The following DCC variants were observed in gnomAD, a reference collection of about 807,000 sequenced individuals.
DCC encodes the protein netrin receptor DCC.
In DCC, 58 loss-of-function variants were observed where a neutral mutation model predicts 172.5. The observed-to-expected ratio is 0.34, with a 90% CI of 0.27 to 0.42. The LOEUF is 0.42. DCC is among the 10% of genes least tolerant of loss of function. The pLI, the probability that DCC is intolerant of heterozygous loss-of-function variation, is 1.00. For missense variants in DCC, 1,740 were observed against 1,791.0 expected, an observed-to-expected ratio of 0.97 and a Z score of 0.51; for synonymous variants, 709 against 644.5, an observed-to-expected ratio of 1.10 and a Z score of -1.52.
chr18:53,512,358 G>A (rs1228232329), intron 27 of DCC, among the ~76,000 whole-genome samples: 1 of 150,288 alleles, frequency 6.7e-6, no homozygotes, highest in Admixed American at 6.6e-5. Flanking sequence ...ACAAAGATGG[G>A]GAAAAAACAG....
intron 5 of DCC, among the ~76,000 whole-genome samples, chr18:52,969,584 A>ACTCTGTCTCT (rs1555689607): frequency 8.4e-6 from 1 of 119,440 alleles, no homozygotes; most frequent in South Asian, 3.2e-4. Flanking sequence ...CCCGCCCCCC[A>ACTCTGTCTCT]CTCTCTCTCT....
intron 1 of DCC, among the ~76,000 whole-genome samples, chr18:52,486,270 T>C (rs1400338482): frequency 6.6e-6 from 1 of 152,132 alleles, no homozygotes; most frequent in Non-Finnish European, 1.5e-5. Context: ...TTCAGAACCC[T>C]GGCCAGCGTT....
intron 25 of DCC, among the ~76,000 whole-genome samples, chr18:53,472,277 C>T (rs1346342024): frequency 6.6e-6 from 1 of 152,168 alleles, no homozygotes; most frequent in African/African-American, 2.4e-5. Context: ...CTAGCAGTCA[C>T]ACAGCTAGTA....
At chr18:52,816,217 C>T (rs983746732) in intron 2 of DCC, among the ~76,000 whole-genome samples, 1 of 152,120 alleles carries the variant, frequency 6.6e-6, no homozygotes, top group Non-Finnish European at 1.5e-5. Flanking sequence ...AAAATGCTGG[C>T]AATTCATAGG....
intron 1 of DCC, among the ~76,000 whole-genome samples, chr18:52,746,382 C>CT (rs1230612090): frequency 6.6e-6 from 1 of 152,110 alleles, no homozygotes; most frequent in African/African-American, 2.4e-5. Context: ...CTTGTAGGAG[C>CT]TTTTTTCCCC....
chr18:52,434,172 A>T (rs550764068), intron 1 of DCC, among the ~76,000 whole-genome samples: 85 of 152,178 alleles, frequency 5.6e-4, no homozygotes, highest in Non-Finnish European at 1.1e-3. Context: ...TAATCCTTGG[A>T]TTTACCTATG....
intron 5 of DCC, among the ~76,000 whole-genome samples, chr18:53,033,025 TTAAA>T (rs1319572222): frequency 2.0e-5 from 3 of 152,120 alleles, no homozygotes; most frequent in Non-Finnish European, 4.4e-5. Flanking sequence ...TACATTCAGG[TTAAA>T]TAGAGTTAGT....
At chr18:53,155,915 T>C (rs1473909007) in intron 7 of DCC, among the ~76,000 whole-genome samples, 1 of 152,198 alleles carries the variant, frequency 6.6e-6, no homozygotes, top group African/African-American at 2.4e-5. Context: ...TAATCCCAGC[T>C]ACTCAGGAGG....
intron 12 of DCC, among the ~76,000 whole-genome samples, chr18:53,281,522 T>G (rs1598979576): frequency 6.6e-6 from 1 of 152,308 alleles, no homozygotes; most frequent in East Asian, 1.9e-4. Flanking sequence ...CAGTCAATTT[T>G]TAGGTACTGT....
chr18:52,441,849 CTT>C (rs1568172195), intron 1 of DCC, among the ~76,000 whole-genome samples: 1 of 152,188 alleles, frequency 6.6e-6, no homozygotes, highest in African/African-American at 2.4e-5. Flanking sequence ...CCCAGCCACT[CTT>C]TTCTTCTTTT....
intron 2 of DCC, among the ~76,000 whole-genome samples, chr18:52,853,789 C>T (rs2039012004): frequency 6.6e-6 from 1 of 152,126 alleles, no homozygotes; most frequent in Admixed American, 6.5e-5. Flanking sequence ...AGAGATAACC[C>T]AACATGCAAA....
At chr18:53,394,826 G>A (rs905704946) in intron 17 of DCC, among the ~76,000 whole-genome samples, 4 of 152,064 alleles carry the variant, frequency 2.6e-5, no homozygotes, top group Admixed American at 6.5e-5. Context: ...TGCTATGGTC[G>A]TCTCCATTTT....
intron 12 of DCC, among the ~76,000 whole-genome samples, chr18:53,264,046 T>C (rs2056637536): frequency 6.6e-6 from 1 of 152,202 alleles, no homozygotes; most frequent in African/African-American, 2.4e-5. Flanking sequence ...TTGTTCTGTA[T>C]TTTGCTCTTA....
intron 5 of DCC, among the ~76,000 whole-genome samples, chr18:53,004,076 T>G (rs977346873): frequency 4.6e-5 from 7 of 152,208 alleles, no homozygotes; most frequent in Non-Finnish European, 1.0e-4. Flanking sequence ...AAATCATTTA[T>G]TATGTTGTAT....
Position 52,747,350 on chromosome 18 carries a change from A to G in DCC, c.92-4704A>G, listed in dbSNP as rs1306848067. 3.3e-5 allele frequency among the ~76,000 whole-genome samples: 5 copies of G among 152,218 alleles called. 1 individual carries two copies. Among genetic ancestry groups the G allele is most frequent in the Non-Finnish European group, 2.9e-5 (2 of 68,026 alleles). On this transcript the variant is annotated intron_variant, in intron 1 of 28. Transcript: ENST00000442544. ...TATTTGAGGGTTCAAGGGGATGGCCATTGGACATCTTAAAAATAAAACCAA... is the reference window on the plus strand; with the variant it reads ...TATTTGAGGGTTCAAGGGGATGGCCGTTGGACATCTTAAAAATAAAACCAA...
At chr18:53,048,310 G>A (rs1045079761) in intron 5 of DCC, among the ~76,000 whole-genome samples, 3 of 151,538 alleles carry the variant, frequency 2.0e-5, no homozygotes, top group African/African-American at 7.3e-5. Flanking sequence ...AAGCGTCTGT[G>A]GTTCCGTTTT....
intron 18 of DCC, among the ~76,000 whole-genome samples, chr18:53,402,263 A>C (rs539389255): frequency 5.9e-5 from 9 of 152,230 alleles, no homozygotes; most frequent in African/African-American, 2.2e-4. Context: ...AGTGGTGTGC[A>C]ACAGTGGATC....
At chr18:53,080,236 T>C (rs188819093) in intron 7 of DCC, among the ~76,000 whole-genome samples, 153 of 152,174 alleles carry the variant, frequency 1.0e-3, no homozygotes, top group South Asian at 7.1e-3. Flanking sequence ...ATTGGGGCTG[T>C]TTCCTAAATT....
At chr18:52,786,126 T>C (rs1304552) in intron 2 of DCC, among the ~76,000 whole-genome samples, 106,775 of 151,928 alleles carry the variant, frequency 0.7, 40,645 homozygotes, top group East Asian at 0.92. Flanking sequence ...ATCTTACTTG[T>C]CAAGATACAG....
Sources: allele counts gnomAD v4.1 joint callset (sites outside exome capture counted in the v4.1 genomes callset), GRCh38; gene constraint gnomAD v4.1.1; transcripts MANE v1.5; gene names NCBI Gene and HGNC (gene_info 2026-07-23, HGNC 2026-07-21).